UMAD1: variants seen among roughly 807,000 people sequenced by gnomAD.
UMAD1 encodes the protein UBAP1-MVB12-associated (UMA)-domain containing protein 1.
A neutral mutation model predicts 6.1 loss-of-function variants in UMAD1; 8 were observed. The observed-to-expected ratio is 1.30, with a 90% CI of 0.76 to 2.35. UMAD1 has a LOEUF of 2.35. UMAD1 is among the 30% of genes most tolerant of loss of function. UMAD1 has a pLI of 0.00. For missense variants in UMAD1, 130 were observed against 78.4 expected (o/e 1.66, Z -2.49); for synonymous variants, 56 against 31.4 (o/e 1.78, Z -2.61).
At chr7:7,673,706 C>T (rs5007601) in intron 2 of UMAD1, among the ~76,000 whole-genome samples, 85,458 of 146,846 alleles carry the variant, frequency 0.58, 24,512 homozygotes, top group East Asian at 0.8. Context: ...CTTCTTTTTC[C>T]CCCCCTTTTT....
rs61647575 is a variant in UMAD1, at chr7:7,778,226, TTGTGTGTGTGTGTG to T, written c.83-23407_83-23394del. Among the ~76,000 whole-genome samples, 912 of 126,398 alleles carry T rather than the reference TTGTGTGTGTGTGTG, an allele frequency of 7.2e-3. 4 individuals are homozygous for T. The Middle Eastern group carries it at 0.073, about 10-fold the overall frequency. 82.9% of individuals were successfully genotyped at this position (126,398 alleles called of 152,430 possible). A position where few individuals can be genotyped will look rare whatever the true frequency, so the allele number is the denominator to read the frequency against. On this transcript the variant is annotated intron_variant, in intron 2 of 3. Transcript: ENST00000682710. Reference sequence around the variant, plus strand: ...CATCTTGGCTTCTCCAAAACTGGTTTTGTGTGTGTGTGTGTGTGTGTGTGTGTGTGTGTGTGTGT... The same window carrying T: ...CATCTTGGCTTCTCCAAAACTGGTTTTGTGTGTGTGTGTGTGTGTGTGTGT...
chr7:7,870,624 A>G (rs1784315144), intron 3 of UMAD1, among the ~76,000 whole-genome samples: 1 of 152,168 alleles, frequency 6.6e-6, no homozygotes, highest in Non-Finnish European at 1.5e-5. Context: ...CACTGCTTCC[A>G]TTGGCTGCCA....
intron 3 of UMAD1, among the ~76,000 whole-genome samples, chr7:7,865,210 C>T (rs1049895240): frequency 2.0e-5 from 3 of 152,166 alleles, no homozygotes; most frequent in Non-Finnish European, 4.4e-5. Flanking sequence ...GTCAAAAGTA[C>T]CTGTGACCTG....
intron 1 of UMAD1, among the ~76,000 whole-genome samples, chr7:7,650,951 C>T (rs1291218594): frequency 6.6e-6 from 1 of 152,142 alleles, no homozygotes; most frequent in Admixed American, 6.6e-5. Context: ...ATTTGTTGTA[C>T]TCAGGAACCA....
intron 3 of UMAD1, among the ~76,000 whole-genome samples, chr7:7,842,204 T>A (rs1478740037): frequency 6.6e-6 from 1 of 152,240 alleles, no homozygotes; most frequent in Non-Finnish European, 1.5e-5. Flanking sequence ...AGTGGCTTAG[T>A]TCTGTGAGCC....
intron 3 of UMAD1, among the ~76,000 whole-genome samples, chr7:7,805,983 A>G (rs1299668817): frequency 6.6e-6 from 1 of 152,246 alleles, no homozygotes; most frequent in Non-Finnish European, 1.5e-5. Context: ...CACAGAAGTT[A>G]CCCAATAAGT....
At chr7:7,805,426 T>C (rs1371526655) in intron 3 of UMAD1, among the ~76,000 whole-genome samples, 1 of 152,182 alleles carries the variant, frequency 6.6e-6, no homozygotes, top group Non-Finnish European at 1.5e-5. Flanking sequence ...TCCTGCCATC[T>C]TGCCCTCTAT....
chr7:7,853,344 A>T (rs1783954636), intron 3 of UMAD1, among the ~76,000 whole-genome samples: 1 of 152,068 alleles, frequency 6.6e-6, no homozygotes, highest in Non-Finnish European at 1.5e-5. Flanking sequence ...CCACTTTTTT[A>T]CAATGAAATC....
intron 2 of UMAD1, chr7:7,715,056 C>G (rs948514959): frequency 6.6e-6 from 1 of 151,834 alleles, no homozygotes; most frequent in Non-Finnish European, 1.5e-5. Context: ...ATCCACAAAT[C>G]TTAGAACTTA....
At chr7:7,847,101 AAAAATATATATATATATATATATATAT>A (rs1192903402) in intron 3 of UMAD1, among the ~76,000 whole-genome samples, 2,700 of 32,168 alleles carry the variant, frequency 0.084, 394 homozygotes, top group Middle Eastern at 0.11. Flanking sequence ...AAAAAAAAAA[AAAAATATATATATATATATATATATAT>A]ATATATATAT....
At chr7:7,704,485 G>A (rs1780544459) in intron 2 of UMAD1, among the ~76,000 whole-genome samples, 1 of 151,610 alleles carries the variant, frequency 6.6e-6, no homozygotes, top group Non-Finnish European at 1.5e-5. Flanking sequence ...GCCGGGCGCG[G>A]TGGCTCATGC....
chr7:7,798,921 A>G (rs1256220814), intron 2 of UMAD1, among the ~76,000 whole-genome samples: 1 of 152,220 alleles, frequency 6.6e-6, no homozygotes, highest in Non-Finnish European at 1.5e-5. Context: ...AAAAGCCTAT[A>G]TGAAAGGTAA....
intron 2 of UMAD1, among the ~76,000 whole-genome samples, chr7:7,713,296 A>G (rs1331104604): frequency 6.6e-6 from 1 of 152,042 alleles, no homozygotes; most frequent in Middle Eastern, 3.2e-3. Context: ...GTGAGCTGAG[A>G]TTGCGCCACT....
intron 3 of UMAD1, among the ~76,000 whole-genome samples, chr7:7,859,673 A>C (rs1784079337): frequency 6.6e-6 from 1 of 152,188 alleles, no homozygotes; most frequent in African/African-American, 2.4e-5. Flanking sequence ...GGGGTCATTG[A>C]GACTTGAGAC....
At chr7:7,875,045 A>C (rs1317746188) in intron 3 of UMAD1, among the ~76,000 whole-genome samples, 1 of 152,192 alleles carries the variant, frequency 6.6e-6, no homozygotes, top group African/African-American at 2.4e-5. Flanking sequence ...AAGTGCTGGG[A>C]TTACAGGCGT....
At chr7:7,690,464 G>A (rs901745259) in intron 2 of UMAD1, among the ~76,000 whole-genome samples, 1 of 151,992 alleles carries the variant, frequency 6.6e-6, no homozygotes, top group East Asian at 1.9e-4. Context: ...AGTTTTAAAG[G>A]TAATGAAAAA....
At chr7:7,772,098 A>G (rs1301519558) in intron 2 of UMAD1, among the ~76,000 whole-genome samples, 3 of 152,204 alleles carry the variant, frequency 2.0e-5, no homozygotes, top group African/African-American at 7.2e-5. Flanking sequence ...CTGTTTGAGC[A>G]TTGTAAATTA....
At chr7:7,840,653 C>G (rs1273530784) in intron 3 of UMAD1, among the ~76,000 whole-genome samples, 1 of 152,070 alleles carries the variant, frequency 6.6e-6, no homozygotes, top group Non-Finnish European at 1.5e-5. Flanking sequence ...TTAATGGTAG[C>G]TCTTTTTATT....
At chr7:7,755,368 TTCTC>T in intron 2 of UMAD1, among the ~76,000 whole-genome samples, 1 of 152,324 alleles carries the variant, frequency 6.6e-6, no homozygotes, top group East Asian at 1.9e-4. Flanking sequence ...GATGCAGACT[TTCTC>T]TAATCAAGAG....
Sources: gnomAD v4.1 joint callset for allele counts (sites outside exome capture counted in the v4.1 genomes callset) on GRCh38, gnomAD v4.1.1 for gene constraint, MANE v1.5 for transcripts, NCBI Gene and HGNC (gene_info 2026-07-23, HGNC 2026-07-21) for gene names.